The following C3orf70 variants were observed in gnomAD, a reference collection of about 807,000 sequenced individuals.
The protein encoded by C3orf70 is chromosome 3 open reading frame 70, also known as UPF0524 protein C3orf70.
C3orf70 carries 15 observed loss-of-function variants against 20.7 expected under a neutral mutation model. The observed-to-expected ratio is 0.72, with a 90% CI of 0.48 to 1.11. C3orf70 has a LOEUF of 1.11. Among genes scored for constraint, C3orf70 ranks in the 50% most tolerant of loss-of-function variants. C3orf70 has a pLI of 0.00. For missense variants in C3orf70, 332 were observed against 317.6 expected, an observed-to-expected ratio of 1.05 and a Z score of -0.34; for synonymous variants, 161 against 125.7, an observed-to-expected ratio of 1.28 and a Z score of -1.88.
intron 1 of C3orf70, among the ~76,000 whole-genome samples, chr3:185,148,364 T>C (rs751798617): frequency 5.3e-5 from 8 of 152,220 alleles, no homozygotes; most frequent in Non-Finnish European, 1.2e-4. Flanking sequence ...ATTTCGTTGT[T>C]AGTGAATGGC....
At chr3:185,143,087 T>G (rs1716790802) in intron 1 of C3orf70, among the ~76,000 whole-genome samples, 1 of 152,218 alleles carries the variant, frequency 6.6e-6, no homozygotes, top group Non-Finnish European at 1.5e-5. Flanking sequence ...ACTGAATTAC[T>G]GTTAATTATC....
intron 1 of C3orf70, among the ~76,000 whole-genome samples, chr3:185,120,301 C>T (rs1577328394): frequency 6.6e-6 from 1 of 152,132 alleles, no homozygotes; most frequent in East Asian, 1.9e-4. Context: ...GAATGCTAGC[C>T]ATTCAATAAA....
rs528585124 is a variant in C3orf70, at chr3:185,077,710, C to A, written c.*5297G>T. Among the ~76,000 whole-genome samples the A allele has an allele frequency of 1.2e-3, 184 of 150,672 alleles. No individual in the cohort carries two copies. Among genetic ancestry groups the A allele is most frequent in the Non-Finnish European group, 2.5e-3 (167 of 67,928 alleles). Reference sequence around the variant, plus strand: ...CCTGATCTTCAGTTAGAACTGCAGCCAACACTGCCCCACATGACACGTGTA... The same window carrying A: ...CCTGATCTTCAGTTAGAACTGCAGCAAACACTGCCCCACATGACACGTGTA... On this transcript the variant is annotated 3_prime_UTR_variant, in exon 2 of 2. Transcript: ENST00000335012.
intron 1 of C3orf70, among the ~76,000 whole-genome samples, chr3:185,117,454 A>C (rs62289779): frequency 6.8e-4 from 97 of 142,014 alleles, no homozygotes; most frequent in African/African-American, 2.6e-3. Flanking sequence ...CACACACAGA[A>C]AGAGAGAGAG....
chr3:185,100,811 G>A (rs1715806356), intron 1 of C3orf70, among the ~76,000 whole-genome samples: 1 of 151,014 alleles, frequency 6.6e-6, no homozygotes, highest in South Asian at 2.1e-4. Flanking sequence ...TAATAAAGAA[G>A]AGAGTAGATC....
At chr3:185,089,647 A>T (rs1715524919) in intron 1 of C3orf70, among the ~76,000 whole-genome samples, 1 of 152,208 alleles carries the variant, frequency 6.6e-6, no homozygotes, top group Non-Finnish European at 1.5e-5. Flanking sequence ...TACCCATTTT[A>T]AAAATAATAT....
At chr3:185,107,710 G>GA (rs1393884519) in intron 1 of C3orf70, among the ~76,000 whole-genome samples, 1 of 152,080 alleles carries the variant, frequency 6.6e-6, no homozygotes, top group Non-Finnish European at 1.5e-5. Flanking sequence ...TCCTAACTAA[G>GA]AAAAAATCAA....
At chr3:185,084,092 C>T (rs936573582) in intron 1 of C3orf70, among the ~76,000 whole-genome samples, 1 of 151,570 alleles carries the variant, frequency 6.6e-6, no homozygotes, top group Non-Finnish European at 1.5e-5. Flanking sequence ...GGCTGAGGCA[C>T]GAGAATCCCT....
In C3orf70 at chr3:185,078,964, A is replaced by T. The variant is rs944954338; in HGVS notation, c.*4043T>A. On this transcript the variant is annotated 3_prime_UTR_variant, in exon 2 of 2. Coordinates refer to ENST00000335012, the MANE Select transcript of C3orf70 (RefSeq NM_001025266.3). ...GGTCCCAAAATACTTGTGATGGTTC[A>T]AATAGACCAAGAAGTGGAGGATTAG... 2 of 152,164 alleles carry T rather than the reference A, an allele frequency of 1.3e-5. No individual in the cohort carries two copies. The highest frequency in any genetic ancestry group is 2.4e-5 in the African/African-American group (1 of 41,430). 9.4% of individuals were successfully genotyped at this position (152,164 alleles called of 1,614,324 possible). A position where few individuals can be genotyped will look rare whatever the true frequency, so the allele number is the denominator to read the frequency against.
At chr3:185,152,543 C>A (rs1449692112) in intron 1 of C3orf70, 85 bp downstream of exon 1, 3 of 1,268,398 alleles carry the variant, frequency 2.4e-6, no homozygotes, top group African/African-American at 1.6e-5. Context: ...GCCCCGCGGC[C>A]GCAGAGTTCC....
At chr3:185,152,570 G>GGCCCGGCGGGCGTCCCCCGGACC in intron 1 of C3orf70, 58 bp downstream of exon 1, 3 of 1,463,902 alleles carry the variant, frequency 2.0e-6, no homozygotes, top group Non-Finnish European at 2.7e-6. Context: ...GACCCCGGAC[G>GGCCCGGCGGGCGTCCCCCGGACC]GCCCGGCGGG....
rs55966497 is a variant in C3orf70 at position 185,113,285 on chromosome 3, C to CAAAAAAAAA, written c.197-29723_197-29722insTTTTTTTTT. On this transcript the variant is annotated intron_variant, in intron 1 of 1. Coordinates refer to ENST00000335012, the MANE Select transcript of C3orf70 (RefSeq NM_001025266.3). ...GAAACCCCATCTCTACTAAAAAATA[C>CAAAAAAAAA]AAAAAAGAAAAAAAGAAAGTTAATG... Among the ~76,000 whole-genome samples the CAAAAAAAAA allele has an allele frequency of 8.9e-3, 1,237 of 138,456 alleles. 21 individuals are homozygous for CAAAAAAAAA. Among genetic ancestry groups the CAAAAAAAAA allele is most frequent in the East Asian group, 0.023 (110 of 4,872 alleles). The allele number at this position is 138,456 out of a possible 152,430, so 90.8% of individuals were successfully genotyped here.
intron 1 of C3orf70, among the ~76,000 whole-genome samples, chr3:185,134,114 A>ATC (rs1553921591): frequency 0.037 from 5,271 of 142,958 alleles, 214 homozygotes; most frequent in South Asian, 0.067. Flanking sequence ...AAAAAAATAC[A>ATC]TCATATATAT....
chr3:185,145,854 G>A (rs35166538), intron 1 of C3orf70, among the ~76,000 whole-genome samples: 3,489 of 152,328 alleles, frequency 0.023, 74 homozygotes, highest in South Asian at 0.064. Context: ...TAGCCATGAT[G>A]TGTGTTATTT....
chr3:185,099,871 T>C (rs1364605036), intron 1 of C3orf70, among the ~76,000 whole-genome samples: 1 of 152,196 alleles, frequency 6.6e-6, no homozygotes, highest in Non-Finnish European at 1.5e-5. Context: ...GAGAAAAATC[T>C]ACCAAGCAAA....
In C3orf70 at chr3:185,079,537, C is replaced by T. The variant is rs1222582683; in HGVS notation, c.*3470G>A. The stretch of plus-strand genomic sequence containing the variant: ...AAAAGACCTAGATGTGATAGTAAAC[C>T]CTTATTTTTTAATATACCAAACAGT... On this transcript the variant is annotated 3_prime_UTR_variant, in exon 2 of 2. Transcript: ENST00000335012. 2 of 152,044 alleles carry T rather than the reference C, an allele frequency of 1.3e-5. No homozygotes were observed. The highest frequency in any genetic ancestry group is 1.9e-4 in the East Asian group (1 of 5,170). 9.4% of individuals were successfully genotyped at this position (152,044 alleles called of 1,614,324 possible). A position where few individuals can be genotyped will look rare whatever the true frequency, so the allele number is the denominator to read the frequency against.
intron 1 of C3orf70, among the ~76,000 whole-genome samples, chr3:185,123,833 A>C (rs1212306309): frequency 6.6e-6 from 1 of 152,152 alleles, no homozygotes; most frequent in Non-Finnish European, 1.5e-5. Flanking sequence ...CTAAATGTAA[A>C]CAAATGTCCT....
At chr3:185,150,013 T>TG (rs1013127153) in intron 1 of C3orf70, among the ~76,000 whole-genome samples, 9 of 152,132 alleles carry the variant, frequency 5.9e-5, no homozygotes, top group African/African-American at 2.2e-4. Context: ...CCTAATTTCT[T>TG]GTTTTTTTTT....
intron 1 of C3orf70, among the ~76,000 whole-genome samples, chr3:185,143,534 T>C (rs562983387): frequency 6.6e-6 from 1 of 152,156 alleles, no homozygotes; most frequent in Non-Finnish European, 1.5e-5. Flanking sequence ...GTATTATACA[T>C]TGTTGGCACT....
Sources: gnomAD v4.1 joint callset for allele counts (sites outside exome capture counted in the v4.1 genomes callset) on GRCh38, gnomAD v4.1.1 for gene constraint, MANE v1.5 for transcripts, NCBI Gene and HGNC (gene_info 2026-07-23, HGNC 2026-07-21) for gene names.